ALPL: variants seen among roughly 807,000 people sequenced by gnomAD.
The protein encoded by ALPL is alkaline phosphatase, tissue-nonspecific isozyme.
In ALPL, 42 loss-of-function variants were observed where a neutral mutation model predicts 51.3. The observed-to-expected ratio is 0.82, with a 90% confidence interval of 0.64 to 1.06. ALPL has a LOEUF of 1.06. Among genes scored for constraint, ALPL ranks in the 50% least tolerant of loss-of-function variants. The pLI, the probability that ALPL is intolerant of heterozygous loss-of-function variation, is 0.00. For missense variants in ALPL, 589 were observed against 709.4 expected, an observed-to-expected ratio of 0.83 and a Z score of 1.93; for synonymous variants, 279 against 296.4, an observed-to-expected ratio of 0.94 and a Z score of 0.60.
At chr1:21,549,625 C>T (rs1644295271) in intron 1 of ALPL, among the ~76,000 whole-genome samples, 1 of 152,052 alleles carries the variant, frequency 6.6e-6, no homozygotes, top group Non-Finnish European at 1.5e-5. Context: ...AGGTGCACAC[C>T]ACCATGCCCA....
chr1:21,542,005 A>G (rs1348304039), intron 1 of ALPL, among the ~76,000 whole-genome samples: 3 of 152,056 alleles, frequency 2.0e-5, no homozygotes, highest in African/African-American at 7.3e-5. Flanking sequence ...CCTGCAGCCC[A>G]CTCTGAAACC....
rs115235825 is a variant in ALPL at position 21,570,444 on chromosome 1, A to G, written c.862+70A>G. 1.2e-5 allele frequency: 18 copies of G among 1,515,812 alleles called. No individual in the cohort carries two copies. In the African/African-American group the frequency reaches 1.9e-4, roughly 16 times the overall value. The allele number at this position is 1,515,812 out of a possible 1,614,324, so 93.9% of individuals were successfully genotyped here. ...GTGGCCGGAGCTGCGTGTGGCCAGC[A>G]CCTGGGGACAAGGCCCTAGCCTGAC... On this transcript the variant is annotated intron_variant, in intron 8 of 11. Transcript: ENST00000374840.
intron 1 of ALPL, among the ~76,000 whole-genome samples, chr1:21,532,294 C>T (rs1644040971): frequency 6.6e-6 from 1 of 152,098 alleles, no homozygotes; most frequent in Non-Finnish European, 1.5e-5. Flanking sequence ...CAGGTTCAAG[C>T]GATTCTCCCA....
rs1644755133 is a variant in ALPL at position 21,577,488 on chromosome 1, A to G, written c.1415A>G (p.His472Arg). ...AAGGGCCCCATGGCGCACCTGCTGCACGGCGTCCACGAGCAGAACTACGTC... is the reference window on the plus strand; with the variant it reads ...AAGGGCCCCATGGCGCACCTGCTGCGCGGCGTCCACGAGCAGAACTACGTC... ...FSKGPMAHLL[H>R]GVHEQNYVPH... The change falls in exon 12 of 12, where the codon CAC (histidine) becomes CGC (arginine). Residue 472 changes from histidine (H) to arginine (R), a missense_variant. By Grantham distance (29) the His-to-Arg change is conservative (BLOSUM62 0). Coordinates refer to ENST00000374840, the MANE Select transcript of ALPL (RefSeq NM_000478.6). The G allele has an allele frequency of 6.2e-7, 1 of 1,609,402 alleles. No homozygotes were observed. The highest frequency in any genetic ancestry group is 8.5e-7 in the Non-Finnish European group (1 of 1,179,896).
chr1:21,567,889 C>T (rs1373376681), intron 6 of ALPL, among the ~76,000 whole-genome samples: 1 of 152,126 alleles, frequency 6.6e-6, no homozygotes, highest in East Asian at 1.9e-4. Flanking sequence ...TCCAATATCC[C>T]TAGAAGCGCC....
chr1:21,564,237 G>A lies in ALPL; in HGVS notation c.648+21G>A, dbSNP rs751394580. The A allele has an allele frequency of 2.3e-5, 37 of 1,612,182 alleles. No homozygotes were observed. Among genetic ancestry groups the A allele is most frequent in the Non-Finnish European group, 2.8e-5 (33 of 1,179,738 alleles). On this transcript the variant is annotated intron_variant, in intron 6 of 11. Transcript: ENST00000374840. The surrounding 1 kb of genome is among the most constrained non-coding windows in gnomAD (Gnocchi z 5.8). ...TTGACGTGAGTGCTCGGGGGCAGCC[G>A]GGCAGGGACGGGGTGAGGCGGGGCC...
intron 1 of ALPL, among the ~76,000 whole-genome samples, chr1:21,534,858 T>C (rs1644076740): frequency 6.6e-6 from 1 of 152,232 alleles, no homozygotes; most frequent in Non-Finnish European, 1.5e-5. Context: ...TGTGGGATCA[T>C]TGCAAGGCCA....
chr1:21,549,564 C>T (rs1343561821), intron 1 of ALPL, among the ~76,000 whole-genome samples: 1 of 151,658 alleles, frequency 6.6e-6, no homozygotes, highest in African/African-American at 2.4e-5. Context: ...AACTCTGCTT[C>T]CTGGGTTCAA....
At chr1:21,547,327 C>T (rs1644265454) in intron 1 of ALPL, among the ~76,000 whole-genome samples, 1 of 152,144 alleles carries the variant, frequency 6.6e-6, no homozygotes, top group African/African-American at 2.4e-5. Flanking sequence ...CGGCCACTGA[C>T]CCAGGGCTTT....
In ALPL at chr1:21,561,314, C is replaced by T; in HGVS notation, c.297+102C>T. On this transcript the variant is annotated intron_variant, in intron 4 of 11. Transcript: ENST00000374840. ...AGAGGTCCCCTGACCCCCTGAGCCCCCTCCATGCCCAAGCCCACTCCCCAC... is the reference window on the plus strand; with the variant it reads ...AGAGGTCCCCTGACCCCCTGAGCCCTCTCCATGCCCAAGCCCACTCCCCAC... 2.9e-6 allele frequency: 3 copies of T among 1,018,880 alleles called. No individual in the cohort carries two copies. The South Asian group carries it at 4.1e-5, about 14-fold the overall frequency. The allele number at this position is 1,018,880 out of a possible 1,614,324, so 63.1% of individuals were successfully genotyped here.
At chr1:21,532,066 G>A (rs914387138) in intron 1 of ALPL, among the ~76,000 whole-genome samples, 8 of 152,252 alleles carry the variant, frequency 5.3e-5, no homozygotes, top group Non-Finnish European at 7.4e-5. Flanking sequence ...GGCAAGGAGC[G>A]TGTGGATTCC....
rs558852486 is a variant in ALPL at position 21,510,127 on chromosome 1, G to T, written c.-105+610G>T. Among the ~76,000 whole-genome samples the T allele has an allele frequency of 2.0e-5, 3 of 152,314 alleles. No homozygotes were observed. In the South Asian group the frequency reaches 6.2e-4, roughly 32 times the overall value. On this transcript the variant is annotated intron_variant, in intron 1 of 11. Coordinates refer to ENST00000374840, the MANE Select transcript of ALPL (RefSeq NM_000478.6). Reference sequence around the variant, plus strand: ...CCACTGTGGGCACCGCAGCTGTGGGGCAAAGCTCTGGAGCCCGCGAAGCCG... The same window carrying T: ...CCACTGTGGGCACCGCAGCTGTGGGTCAAAGCTCTGGAGCCCGCGAAGCCG...
At chr1:21,573,895 G>T (rs1644689232) in intron 9 of ALPL, 96 bp downstream of exon 9, 13 of 1,579,256 alleles carry the variant, frequency 8.2e-6, no homozygotes, top group African/African-American at 1.3e-5. Context: ...TGACTGGTTT[G>T]GGGGTGAAGG....
chr1:21,555,131 A>G (rs1349516435), intron 2 of ALPL, among the ~76,000 whole-genome samples: 2 of 144,982 alleles, frequency 1.4e-5, no homozygotes, highest in East Asian at 2.2e-4. Context: ...ATTACAGTCA[A>G]AGGGGGGTTC....
intron 4 of ALPL, among the ~76,000 whole-genome samples, chr1:21,562,322 CA>C (rs1187995871): frequency 6.6e-6 from 1 of 152,210 alleles, no homozygotes; most frequent in Admixed American, 6.5e-5. Context: ...CACAGATCTT[CA>C]ATTTGTAACA....
Position 21,564,297 on chromosome 1 carries a change from C to G in ALPL, c.648+81C>G. Reference sequence around the variant, plus strand: ...CAGGAGGCCTCAGGCCCAGGCTGGCCCGGAGAAAGCAGCCTGGCCTGGCTC... The same window carrying G: ...CAGGAGGCCTCAGGCCCAGGCTGGCGCGGAGAAAGCAGCCTGGCCTGGCTC... On this transcript the variant is annotated intron_variant, in intron 6 of 11. Coordinates refer to ENST00000374840, the MANE Select transcript of ALPL (RefSeq NM_000478.6). This position sits in a 1 kb window ranked among gnomAD's most constrained non-coding sequence, Gnocchi z 5.8. 1 of 1,557,866 alleles carries G rather than the reference C, an allele frequency of 6.4e-7. No homozygotes were observed. Among genetic ancestry groups the G allele is most frequent in the Non-Finnish European group, 8.7e-7 (1 of 1,144,022 alleles).
At chr1:21,511,120 G>A (rs554347861) in intron 1 of ALPL, among the ~76,000 whole-genome samples, 9 of 152,306 alleles carry the variant, frequency 5.9e-5, no homozygotes, top group Non-Finnish European at 8.8e-5. Context: ...TCTAGGTGCC[G>A]GGAATGCCAC....
intron 1 of ALPL, among the ~76,000 whole-genome samples, chr1:21,550,626 G>A (rs1271851673): frequency 6.6e-6 from 1 of 152,000 alleles, no homozygotes; most frequent in East Asian, 1.9e-4. Flanking sequence ...TGAACCCACC[G>A]TGTAACCAGC....
intron 1 of ALPL, among the ~76,000 whole-genome samples, chr1:21,538,098 G>A (rs187627055): frequency 7.2e-5 from 11 of 152,310 alleles, no homozygotes; most frequent in African/African-American, 2.2e-4. Flanking sequence ...TGTTTAATGC[G>A]TACCAGGCCC....
Sources: allele counts gnomAD v4.1 joint callset (sites outside exome capture counted in the v4.1 genomes callset), GRCh38; gene constraint gnomAD v4.1.1; non-coding constraint Gnocchi (gnomAD v3.1); transcripts MANE v1.5; gene names NCBI Gene and HGNC (gene_info 2026-07-23, HGNC 2026-07-21).